Variants in WIZ observed in about 807,000 individuals in gnomAD.
WIZ encodes the protein WIZ zinc finger, also known as protein Wiz.
Under a neutral mutation model 140.2 loss-of-function variants are expected in WIZ, and 25 were observed. The observed-to-expected ratio is 0.18, with a 90% confidence interval of 0.13 to 0.25. The LOEUF is 0.25. WIZ is among the 10% of genes least tolerant of loss of function. WIZ has a pLI of 1.00. For missense variants in WIZ, 2,231 were observed against 2,632.6 expected (o/e 0.85, Z 3.34); for synonymous variants, 1,125 against 1,154.3 (o/e 0.97, Z 0.51).
Position 15,423,249 on chromosome 19 carries a change from C to G in WIZ, c.5511-14G>C, listed in dbSNP as rs1261833229. 3.1e-6 allele frequency: 5 copies of G among 1,612,376 alleles called. No homozygotes were observed. The highest frequency in any genetic ancestry group is 4.5e-5 in the East Asian group (2 of 44,880). The stretch of plus-strand genomic sequence containing the variant: ...ACCTCACAGAACCTGCATGGGGGAA[C>G]AGAGAGAGGGAGTGGCCAGTGCTGT... On this transcript the variant is annotated splice_polypyrimidine_tract_variant and intron_variant, in intron 12 of 12. Coordinates refer to ENST00000673675, the MANE Select transcript of WIZ (RefSeq NM_001371589.1).
rs1198517862 is a variant in WIZ at position 15,424,721 on chromosome 19, C to T, written c.5206G>A (p.Glu1736Lys). ...GCCCGGCCAGCCTCGGGCCCTGGCT[C>T]CCCTCCGGCACTGCGGCCGACCACG... ...LAVVGRSAGGEPGPEAGRAAD... is the reference protein window; with the variant it reads ...LAVVGRSAGGKPGPEAGRAAD... The change falls in exon 11 of 13, where the codon GAG becomes AAG. Residue 1736 changes from glutamate to lysine, a missense_variant. Glu to Lys is a moderately conservative substitution (Grantham distance 56). Coordinates refer to ENST00000673675, the MANE Select transcript of WIZ (RefSeq NM_001371589.1). This position sits in a 1 kb window ranked among gnomAD's most constrained non-coding sequence, Gnocchi z 9.7. The T allele has an allele frequency of 1.3e-6, 2 of 1,577,820 alleles. No individual in the cohort carries two copies. The highest frequency in any genetic ancestry group is 1.7e-6 in the Non-Finnish European group (2 of 1,167,804).
intron 12 of WIZ, among the ~76,000 whole-genome samples, chr19:15,423,817 G>A (rs575122915): frequency 2.0e-5 from 3 of 152,340 alleles, no homozygotes; most frequent in African/African-American, 7.2e-5. Context: ...CTAGTTGAGT[G>A]CTTACTTACC....
Position 15,440,067 on chromosome 19 carries a change from G to T in WIZ, c.927C>A (p.Asp309Glu). 6.5e-7 allele frequency: 1 copy of T among 1,535,662 alleles called. No homozygotes were observed. The highest frequency in any genetic ancestry group is 8.7e-7 in the Non-Finnish European group (1 of 1,146,718). Residue 309 changes from aspartate (D) to glutamate (E), a missense_variant, in exon 4 of 13, where the codon GAC becomes GAA. By Grantham distance (45) the Asp-to-Glu change is conservative. This residue lies in a region of WIZ where 307 missense variants were observed against 294.1 expected (regional missense o/e 1.04). Coordinates refer to ENST00000673675, the MANE Select transcript of WIZ (RefSeq NM_001371589.1). The surrounding 1 kb of genome is among the most constrained non-coding windows in gnomAD (Gnocchi z 6.2). Reference protein sequence around the residue: ...EGVASPDEDEDEEPAVFPCIE... With the variant: ...EGVASPDEDEEEEPAVFPCIE... ...TGCATGGGAACACGGCCGGCTCCTC[G>T]TCCTCGTCCTCATCTGGGCTGGCCA...
At position 15,442,184 on chromosome 19, in the gene WIZ, C is replaced by CAA. The variant is rs34791443; in HGVS notation, c.278+490_278+491dup. 3.7e-5 allele frequency among the ~76,000 whole-genome samples: 5 copies of CAA among 134,738 alleles called. No homozygotes were observed. The highest frequency in any genetic ancestry group is 7.4e-5 in the Admixed American group (1 of 13,596). 88.4% of individuals were successfully genotyped at this position (134,738 alleles called of 152,430 possible). ...CCTGGGCGATAGAGTGAGACTTTCT[C>CAA]AAAAAAAAAAAAAAAAGATGACTAT... On this transcript the variant is annotated intron_variant, in intron 3 of 12. Coordinates refer to ENST00000673675, the MANE Select transcript of WIZ (RefSeq NM_001371589.1). The surrounding 1 kb of genome is among the most constrained non-coding windows in gnomAD (Gnocchi z 5.5).
chr19:15,440,641 G>T lies in WIZ; in HGVS notation c.353C>A (p.Thr118Asn), dbSNP rs1187798952. 5.2e-6 allele frequency: 8 copies of T among 1,529,616 alleles called. No individual in the cohort carries two copies. The highest frequency in any genetic ancestry group is 7.0e-6 in the Non-Finnish European group (8 of 1,141,866). The allele number at this position is 1,529,616 out of a possible 1,614,324, so 94.8% of individuals were successfully genotyped here. Reference sequence around the variant, plus strand: ...CTCCCAGGGCCCCCGGCCATCAGGGGTACCTGGGAAATGGCCCAGGAGATG... The same window carrying T: ...CTCCCAGGGCCCCCGGCCATCAGGGTTACCTGGGAAATGGCCCAGGAGATG... ...PPHLLGHFPG[T>N]PDGRGPWEHP... The change falls in exon 4 of 13, where the codon ACC (threonine) becomes AAC (asparagine). Residue 118 changes from threonine (T) to asparagine (N), a missense_variant. Physicochemically the swap from Thr to Asn is moderately conservative, Grantham distance 65. This residue lies in a region of WIZ where 307 missense variants were observed against 294.1 expected (regional missense o/e 1.04). Transcript: ENST00000673675. The surrounding 1 kb of genome is among the most constrained non-coding windows in gnomAD (Gnocchi z 6.2).
In WIZ at chr19:15,442,856, T is replaced by C; in HGVS notation, c.206-108A>G. The C allele has an allele frequency of 1.8e-6, 1 of 570,122 alleles. No homozygotes were observed. Among genetic ancestry groups the C allele is most frequent in the Non-Finnish European group, 2.6e-6 (1 of 383,346 alleles). The allele number at this position is 570,122 out of a possible 1,614,324, so 35.3% of individuals were successfully genotyped here. A position where few individuals can be genotyped will look rare whatever the true frequency, so the allele number is the denominator to read the frequency against. On this transcript the variant is annotated intron_variant, in intron 2 of 12. Transcript: ENST00000673675. The surrounding 1 kb of genome is among the most constrained non-coding windows in gnomAD (Gnocchi z 5.5). ...GGTGCCTCAGAAAGGCCCTGCTGGCTCCCAGTTCCTCTCCCTGAGAGGCCC... is the reference window on the plus strand; with the variant it reads ...GGTGCCTCAGAAAGGCCCTGCTGGCCCCCAGTTCCTCTCCCTGAGAGGCCC...
In WIZ at chr19:15,439,869, C is replaced by G; in HGVS notation, c.1125G>C (p.Gln375His). The part of the protein sequence containing the change: ...TALEQHRQLH[Q>H]ASREKIIEEI... The stretch of plus-strand genomic sequence containing the variant: ...CCTCAATGATCTTCTCCCGGGAGGC[C>G]TGATGCAGCTGCCGGTGCTGCTCCA... Residue 375 changes from glutamine to histidine, a missense_variant, in exon 4 of 13, where the codon CAG (glutamine) becomes CAC (histidine). Physicochemically the swap from Gln to His is conservative, Grantham distance 24. This residue lies in a region of WIZ where 475 missense variants were observed against 520.2 expected (regional missense o/e 0.91). Coordinates refer to ENST00000673675, the MANE Select transcript of WIZ (RefSeq NM_001371589.1). This position sits in a 1 kb window ranked among gnomAD's most constrained non-coding sequence, Gnocchi z 7.0. 2 of 1,526,930 alleles carry G rather than the reference C, an allele frequency of 1.3e-6. No homozygotes were observed. Among genetic ancestry groups the G allele is most frequent in the Non-Finnish European group, 1.8e-6 (2 of 1,142,030 alleles). The allele number at this position is 1,526,930 out of a possible 1,614,324, so 94.6% of individuals were successfully genotyped here. A position where few individuals can be genotyped will look rare whatever the true frequency, so the allele number is the denominator to read the frequency against.
chr19:15,422,888 C>G lies in WIZ; in HGVS notation c.*188G>C, dbSNP rs1968455298. ...ACCCTGTGGCCCCAGAGTCCTCGGGCTGGGGGAAGGGCAGCTAGCTGGCTC... is the reference window on the plus strand; with the variant it reads ...ACCCTGTGGCCCCAGAGTCCTCGGGGTGGGGGAAGGGCAGCTAGCTGGCTC... On this transcript the variant is annotated 3_prime_UTR_variant, in exon 13 of 13. Transcript: ENST00000673675. The G allele has an allele frequency of 1.2e-6, 1 of 815,226 alleles. No individual in the cohort carries two copies. Among genetic ancestry groups the G allele is most frequent in the Non-Finnish European group, 1.9e-6 (1 of 538,198 alleles). The allele number at this position is 815,226 out of a possible 1,614,324, so 50.5% of individuals were successfully genotyped here.
chr19:15,425,615 C>A lies in WIZ; in HGVS notation c.4520G>T (p.Arg1507Leu), dbSNP rs201859384. The A allele has an allele frequency of 2.0e-5, 33 of 1,613,698 alleles. 1 individual carries two copies. The highest frequency in any genetic ancestry group is 2.7e-5 in the Non-Finnish European group (32 of 1,179,940). The change falls in exon 10 of 13, where the codon CGA becomes CTA. Residue 1507 changes from arginine to leucine, a missense_variant. Physicochemically the swap from Arg to Leu is moderately radical, Grantham distance 102. This residue lies in a region of WIZ where 393 missense variants were observed against 451.7 expected (regional missense o/e 0.87). Coordinates refer to ENST00000673675, the MANE Select transcript of WIZ (RefSeq NM_001371589.1). ...SVNGSPIDTL[R>L]EILKKKSKPC... ...CTTGGACTTCTTCTTGAGGATCTCT[C>A]GCAGTGTGTCGATGGGCGAACCATT...
chr19:15,432,207 C>T (rs1485178890), intron 5 of WIZ, among the ~76,000 whole-genome samples: 1 of 151,850 alleles, frequency 6.6e-6, no homozygotes, highest in Non-Finnish European at 1.5e-5. Context: ...CCAAAGGGGG[C>T]AAGGGACATC....
Position 15,425,745 on chromosome 19 carries a change from C to T in WIZ, c.4390G>A (p.Asp1464Asn), listed in dbSNP as rs201318997. ...NLSSRAEPVR[D>N]IRCEFCGEFF... ...TCGCCGCAGAACTCACAGCGGATGT[C>T]GCGCACCGGCTCTGCCCGGGACGCT... The change falls in exon 10 of 13, where the codon GAC (aspartate) becomes AAC (asparagine). Residue 1464 changes from aspartate (D) to asparagine (N), a missense_variant. Asp to Asn is a conservative substitution (Grantham distance 23). Coordinates refer to ENST00000673675, the MANE Select transcript of WIZ (RefSeq NM_001371589.1). 5.0e-6 allele frequency: 8 copies of T among 1,597,718 alleles called. No individual in the cohort carries two copies. The highest frequency in any genetic ancestry group is 3.4e-5 in the Admixed American group (2 of 58,606).
Position 15,440,000 on chromosome 19 carries a change from C to T in WIZ, c.994G>A (p.Glu332Lys). The T allele has an allele frequency of 6.5e-7, 1 of 1,535,796 alleles. No homozygotes were observed. Among genetic ancestry groups the T allele is most frequent in the Non-Finnish European group, 8.7e-7 (1 of 1,146,776 alleles). Residue 332 changes from glutamate (E) to lysine (K), a missense_variant, in exon 4 of 13, where the codon GAG becomes AAG. Physicochemically the swap from Glu to Lys is moderately conservative, Grantham distance 56. Coordinates refer to ENST00000673675, the MANE Select transcript of WIZ (RefSeq NM_001371589.1). This position sits in a 1 kb window ranked among gnomAD's most constrained non-coding sequence, Gnocchi z 7.0. The part of the protein sequence containing the change: ...IYFKQKEHLL[E>K]HMSQHRRAPG... ...GCTCGGCGGTGCTGGCTCATGTGCT[C>T]CAGGAGGTGCTCCTTCTGCTTGAAG...
Position 15,440,085 on chromosome 19 carries a change from G to T in WIZ, c.909C>A (p.Ser303Arg). 1.3e-6 allele frequency: 2 copies of T among 1,535,364 alleles called. No homozygotes were observed. The highest frequency in any genetic ancestry group is 1.7e-6 in the Non-Finnish European group (2 of 1,146,500). The change falls in exon 4 of 13, where the codon AGC becomes AGA. Residue 303 changes from serine (S) to arginine (R), a missense_variant. Coordinates refer to ENST00000673675, the MANE Select transcript of WIZ (RefSeq NM_001371589.1). This position sits in a 1 kb window ranked among gnomAD's most constrained non-coding sequence, Gnocchi z 6.2. ...LLEEVAEGVASPDEDEDEEPA... is the reference protein window; with the variant it reads ...LLEEVAEGVARPDEDEDEEPA... ...GCTCCTCGTCCTCGTCCTCATCTGGGCTGGCCACCCCTTCGGCCACCTCCT... is the reference window on the plus strand; with the variant it reads ...GCTCCTCGTCCTCGTCCTCATCTGGTCTGGCCACCCCTTCGGCCACCTCCT...
Position 15,429,932 on chromosome 19 carries a change from C to A in WIZ, c.3069G>T (p.Lys1023Asn). 2 of 1,536,030 alleles carry A rather than the reference C, an allele frequency of 1.3e-6. No individual in the cohort carries two copies. Among genetic ancestry groups the A allele is most frequent in the South Asian group, 2.4e-5 (2 of 84,068 alleles). Residue 1023 changes from lysine (K) to asparagine (N), a missense_variant, in exon 7 of 13, where the codon AAG becomes AAT. Physicochemically the swap from Lys to Asn is moderately conservative, Grantham distance 94. Transcript: ENST00000673675. ...GCCCAAGGTGGGCGTCAGGCAGACC[C>A]TTCTGCTTCACAAGCTCGTAGAGGA... ...IDLLYELVKQ[K>N]GLPDAHLGLP...
At chr19:15,429,495 C>CCCCGGGG in intron 7 of WIZ, 91 bp downstream of exon 7, 1 of 1,027,136 alleles carries the variant, frequency 9.7e-7, no homozygotes, top group Non-Finnish European at 1.3e-6. Flanking sequence ...CCCCCACCCA[C>CCCCGGGG]CCTGGGCCCT....
Position 15,428,641 on chromosome 19 carries a change from C to A in WIZ, c.3416-133G>T. 5.4e-6 allele frequency: 6 copies of A among 1,101,570 alleles called. No individual in the cohort carries two copies. Among genetic ancestry groups the A allele is most frequent in the Non-Finnish European group, 7.7e-6 (6 of 778,242 alleles). 68.2% of individuals were successfully genotyped at this position (1,101,570 alleles called of 1,614,324 possible). ...GGTCCAAGACTCAGGCCGCAGATTT[C>A]TTTTGAAGTTTGGGAAGCAGGACAT... On this transcript the variant is annotated intron_variant, in intron 7 of 12. Coordinates refer to ENST00000673675, the MANE Select transcript of WIZ (RefSeq NM_001371589.1). This position sits in a 1 kb window ranked among gnomAD's most constrained non-coding sequence, Gnocchi z 6.4.
intron 2 of WIZ, among the ~76,000 whole-genome samples, chr19:15,446,641 C>T (rs987079897): frequency 2.6e-5 from 4 of 152,218 alleles, no homozygotes; most frequent in Admixed American, 2.0e-4. Context: ...CCCCCTTGGT[C>T]TGGCTCATTG....
Position 15,429,732 on chromosome 19 carries a change from A to G in WIZ, c.3269T>C (p.Leu1090Pro). The G allele has an allele frequency of 6.8e-7, 1 of 1,465,246 alleles. No individual in the cohort carries two copies. Among genetic ancestry groups the G allele is most frequent in the Non-Finnish European group, 9.0e-7 (1 of 1,112,112 alleles). The allele number at this position is 1,465,246 out of a possible 1,614,324, so 90.8% of individuals were successfully genotyped here. Residue 1090 changes from leucine to proline, a missense_variant, in exon 7 of 13, where the codon CTC becomes CCC. By Grantham distance (98) the Leu-to-Pro change is moderately conservative (BLOSUM62 -3). Around this residue, in one of 15 missense-constraint regions of WIZ, gnomAD observed 163 missense variants for 166.8 expected, o/e 0.98. Coordinates refer to ENST00000673675, the MANE Select transcript of WIZ (RefSeq NM_001371589.1). The stretch of plus-strand genomic sequence containing the variant: ...CAGGGCCAGTGGTGTCTTTTTGAGG[A>G]GTGGAGAGCTGGGCGGGTGGCCCAG... ...KGLGHPPSSP[L>P]LKKTPLALAG...
At position 15,424,069 on chromosome 19, in the gene WIZ, G is replaced by T; in HGVS notation, c.5510+114C>A. 2.0e-6 allele frequency: 2 copies of T among 996,964 alleles called. No individual in the cohort carries two copies. The highest frequency in any genetic ancestry group is 2.8e-6 in the Non-Finnish European group (2 of 715,258). The allele number at this position is 996,964 out of a possible 1,614,324, so 61.8% of individuals were successfully genotyped here. A position where few individuals can be genotyped will look rare whatever the true frequency, so the allele number is the denominator to read the frequency against. ...TAGCCTGAGCCCCACCACACCCAAG[G>T]GCAGCCACTGAGGCGACACCTCCCA... On this transcript the variant is annotated intron_variant, in intron 12 of 12. Transcript: ENST00000673675. The surrounding 1 kb of genome is among the most constrained non-coding windows in gnomAD (Gnocchi z 9.7).
Sources: gnomAD v4.1 joint callset for allele counts (sites outside exome capture counted in the v4.1 genomes callset) on GRCh38, gnomAD v4.1.1 for gene constraint, gnomAD v4.1.1 regional missense constraint, Gnocchi (gnomAD v3.1) non-coding constraint, MANE v1.5 for transcripts, NCBI Gene and HGNC (gene_info 2026-07-23, HGNC 2026-07-21) for gene names.